The following NCAPG variants were observed in gnomAD, a reference collection of about 807,000 sequenced individuals.
NCAPG encodes the protein condensin complex subunit 3.
In NCAPG, 69 loss-of-function variants were observed where a neutral mutation model predicts 113.1. The observed-to-expected ratio is 0.61, with a 90% confidence interval of 0.50 to 0.75. The LOEUF (loss-of-function observed/expected upper bound fraction) is 0.75, where lower values mean the gene tolerates loss of function less well. Among genes scored for constraint, NCAPG ranks in the 30% least tolerant of loss-of-function variants. The pLI is 0.00. For synonymous variants in NCAPG, 370 were observed against 415.8 expected (o/e 0.89, Z 1.34); for missense variants, 1,058 against 1,177.0 (o/e 0.90, Z 1.48).
chr4:17,830,976 A>T, intron 12 of NCAPG, 21 bp from the exon 13 acceptor site: 1 of 1,604,284 alleles, frequency 6.2e-7, no homozygotes, highest in Admixed American at 1.7e-5. Flanking sequence ...AATCATATGG[A>T]AAATTTCTGA....
chr4:17,826,821 T>G (rs951172895), intron 11 of NCAPG, among the ~76,000 whole-genome samples: 3 of 152,200 alleles, frequency 2.0e-5, no homozygotes, highest in Non-Finnish European at 4.4e-5. Flanking sequence ...ATCCTGAGAT[T>G]AGAATAAAAA....
intron 7 of NCAPG, among the ~76,000 whole-genome samples, chr4:17,822,157 A>C (rs1453046609): frequency 1.3e-5 from 2 of 151,852 alleles, no homozygotes; most frequent in Non-Finnish European, 2.9e-5. Context: ...TTAAAAATAA[A>C]AGAATGATAA....
At chr4:17,826,942 A>G (rs949525696) in intron 11 of NCAPG, among the ~76,000 whole-genome samples, 14 of 152,210 alleles carry the variant, frequency 9.2e-5, no homozygotes, top group African/African-American at 3.4e-4. Flanking sequence ...TGAGGTTGGT[A>G]CTATTATTAT....
In NCAPG at chr4:17,811,247, G is replaced by C. The variant is rs1720926124; in HGVS notation, c.111+59G>C. On this transcript the variant is annotated intron_variant, in intron 1 of 20. Transcript: ENST00000251496. This position sits in a 1 kb window ranked among gnomAD's most constrained non-coding sequence, Gnocchi z 5.3. ...CCCGCCCCGGCCCACCCTCCCTCAG[G>C]GGCCCTCCGTGGCCCTCGGGCTCGG... 1 of 1,144,712 alleles carries C rather than the reference G, an allele frequency of 8.7e-7. No individual in the cohort carries two copies. The highest frequency in any genetic ancestry group is 1.7e-5 in the South Asian group (1 of 59,346). 70.9% of individuals were successfully genotyped at this position (1,144,712 alleles called of 1,614,324 possible). A position where few individuals can be genotyped will look rare whatever the true frequency, so the allele number is the denominator to read the frequency against.
At chr4:17,823,527 A>T in intron 8 of NCAPG, 120 bp from the exon 9 acceptor site, 1 of 839,282 alleles carries the variant, frequency 1.2e-6, no homozygotes, top group Non-Finnish European at 1.8e-6. Context: ...TACCTATTAT[A>T]GTGATAAACC....
At chr4:17,828,130 A>G (rs1721726351) in intron 11 of NCAPG, 148 bp from the exon 12 acceptor site, 2 of 433,182 alleles carry the variant, frequency 4.6e-6, no homozygotes, top group African/African-American at 2.1e-5. Context: ...TCCTGCCTCT[A>G]CCATTTACTA....
At position 17,828,371 on chromosome 4, in the gene NCAPG, G is replaced by A; in HGVS notation, c.1747G>A (p.Gly583Arg). Residue 583 changes from glycine (G) to arginine (R), a missense_variant, in exon 12 of 21, where the codon GGA becomes AGA. Coordinates refer to ENST00000251496, the MANE Select transcript of NCAPG (RefSeq NM_022346.5). ...ISTGLSATMN[G>R]IIESLILPGI... is the part of the protein sequence containing the mutation. ...AACAGGCTTAAGTGCAACCATGAAT[G>A]GAATCATCGAATCTTTGGTATGTTG... The A allele has an allele frequency of 6.2e-7, 1 of 1,601,564 alleles. No homozygotes were observed. The highest frequency in any genetic ancestry group is 1.3e-5 in the African/African-American group (1 of 74,284).
chr4:17,842,195 A>C, intron 19 of NCAPG, 115 bp from the exon 20 acceptor site: 1 of 797,250 alleles, frequency 1.3e-6, no homozygotes, highest in Non-Finnish European at 2.1e-6. Flanking sequence ...TAGGAGATAC[A>C]TGTGTTGAAA....
Position 17,843,891 on chromosome 4 carries a change from T to TTA in NCAPG, c.*468_*469dup, listed in dbSNP as rs1428732915. On this transcript the variant is annotated 3_prime_UTR_variant, in exon 21 of 21. Coordinates refer to ENST00000251496, the MANE Select transcript of NCAPG (RefSeq NM_022346.5). ...TACCACAAACTGGCTAGAAAGGAGCTTATCAATCACCAGTGAGGAAGACCA... is the reference window on the plus strand; with the variant it reads ...TACCACAAACTGGCTAGAAAGGAGCTTATATCAATCACCAGTGAGGAAGACCA... 2.0e-5 allele frequency: 3 copies of TTA among 152,832 alleles called. No individual in the cohort carries two copies. Among genetic ancestry groups the TTA allele is most frequent in the African/African-American group, 7.2e-5 (3 of 41,426 alleles). 9.5% of individuals were successfully genotyped at this position (152,832 alleles called of 1,614,324 possible).
rs778709317 is a variant in NCAPG, at chr4:17,811,091, G to A, written c.14G>A (p.Arg5Lys). Residue 5 changes from arginine to lysine, a missense_variant, in exon 1 of 21, where the codon AGG becomes AAG. Transcript: ENST00000251496. This position sits in a 1 kb window ranked among gnomAD's most constrained non-coding sequence, Gnocchi z 5.3. ...GGTTCCAGAGCCATGGGAGCGGAAAGGAGGCTGCTGTCGATTAAGGAGGCC... is the reference window on the plus strand; with the variant it reads ...GGTTCCAGAGCCATGGGAGCGGAAAAGAGGCTGCTGTCGATTAAGGAGGCC... MGAE[R>K]RLLSIKEAFR... The A allele has an allele frequency of 6.6e-7, 1 of 1,524,392 alleles. No homozygotes were observed. Among genetic ancestry groups the A allele is most frequent in the South Asian group, 1.2e-5 (1 of 81,182 alleles). The allele number at this position is 1,524,392 out of a possible 1,614,324, so 94.4% of individuals were successfully genotyped here. A position where few individuals can be genotyped will look rare whatever the true frequency, so the allele number is the denominator to read the frequency against.
At chr4:17,837,541 T>A in intron 15 of NCAPG, 86 bp from the exon 16 acceptor site, 1 of 1,434,092 alleles carries the variant, frequency 7.0e-7, no homozygotes, top group Non-Finnish European at 9.4e-7. Context: ...AATGAGTGAA[T>A]TTCCTACATA....
At chr4:17,829,114 A>G (rs1254567290) in intron 12 of NCAPG, among the ~76,000 whole-genome samples, 1 of 152,118 alleles carries the variant, frequency 6.6e-6, no homozygotes, top group African/African-American at 2.4e-5. Flanking sequence ...GCGCATCTTA[A>G]ACTGGACTAG....
At chr4:17,843,206 T>C in intron 20 of NCAPG, 96 bp from the exon 21 acceptor site, 1 of 1,350,424 alleles carries the variant, frequency 7.4e-7, no homozygotes, top group Non-Finnish European at 1.0e-6. Flanking sequence ...AATTAAACAC[T>C]GATAGAATGT....
rs1173364558 is a variant in NCAPG at position 17,844,570 on chromosome 4, TAGAA to T, written c.*1148_*1151del. The T allele has an allele frequency of 6.6e-6, 1 of 152,446 alleles. No individual in the cohort carries two copies. Among genetic ancestry groups the T allele is most frequent in the Non-Finnish European group, 1.5e-5 (1 of 67,872 alleles). 9.4% of individuals were successfully genotyped at this position (152,446 alleles called of 1,614,324 possible). A position where few individuals can be genotyped will look rare whatever the true frequency, so the allele number is the denominator to read the frequency against. ...TAAGCAAAAGGAAAAATGGTAATGA[TAGAA>T]AGTCAGTTAAAAATAGATGATTGTT... On this transcript the variant is annotated 3_prime_UTR_variant, in exon 21 of 21. Coordinates refer to ENST00000251496, the MANE Select transcript of NCAPG (RefSeq NM_022346.5).
At chr4:17,840,313 A>AAATGTCCAACCAAATG in intron 18 of NCAPG, 104 bp downstream of exon 18, 1 of 1,213,620 alleles carries the variant, frequency 8.2e-7, no homozygotes, top group Non-Finnish European at 1.1e-6. Flanking sequence ...TGGACATCAG[A>AAATGTCCAACCAAATG]AATGAATGAA....
At chr4:17,824,862 C>T in intron 9 of NCAPG, 106 bp from the exon 10 acceptor site, 1 of 664,556 alleles carries the variant, frequency 1.5e-6, no homozygotes. Flanking sequence ...TGTTTTTGCT[C>T]CATTATTCAA....
In NCAPG at chr4:17,811,519, A is replaced by T. The variant is rs1024799432; in HGVS notation, c.111+331A>T. Reference sequence around the variant, plus strand: ...AGAAACATTTACGACCACCGAGGCGATCAGACATCAAATATTGAACCGCAG... The same window carrying T: ...AGAAACATTTACGACCACCGAGGCGTTCAGACATCAAATATTGAACCGCAG... On this transcript the variant is annotated intron_variant, in intron 1 of 20. Coordinates refer to ENST00000251496, the MANE Select transcript of NCAPG (RefSeq NM_022346.5). This position sits in a 1 kb window ranked among gnomAD's most constrained non-coding sequence, Gnocchi z 5.3. Among the ~76,000 whole-genome samples the T allele has an allele frequency of 8.0e-5, 12 of 149,788 alleles. No individual in the cohort carries two copies. Among genetic ancestry groups the T allele is most frequent in the African/African-American group, 2.9e-4 (12 of 40,962 alleles).
chr4:17,817,055 G>A (rs1201593679), intron 5 of NCAPG, among the ~76,000 whole-genome samples: 1 of 152,206 alleles, frequency 6.6e-6, no homozygotes, highest in East Asian at 1.9e-4. Flanking sequence ...GGAGGTTGCA[G>A]TGAACCAAGA....
chr4:17,830,121 G>A (rs542443521), intron 12 of NCAPG, among the ~76,000 whole-genome samples: 2 of 152,280 alleles, frequency 1.3e-5, no homozygotes, highest in Non-Finnish European at 2.9e-5. Context: ...GGGGTTGGGC[G>A]TGGTGGCTCA....
Sources: allele counts gnomAD v4.1 joint callset (sites outside exome capture counted in the v4.1 genomes callset), GRCh38; gene constraint gnomAD v4.1.1; non-coding constraint Gnocchi (gnomAD v3.1); transcripts MANE v1.5; gene names NCBI Gene and HGNC (gene_info 2026-07-23, HGNC 2026-07-21).